The following WWC2 variants were observed in gnomAD, a reference collection of about 807,000 sequenced individuals.
WWC2 encodes the protein WW and C2 domain containing 2.
A neutral mutation model predicts 138.5 loss-of-function variants in WWC2; 101 were observed. That is an observed-to-expected ratio of 0.73 (90% CI 0.62 to 0.86). The LOEUF (loss-of-function observed/expected upper bound fraction) is 0.86. Ranked by LOEUF, WWC2 falls within the 40% of genes least tolerant of loss-of-function variation. The pLI is 0.00. For missense variants in WWC2, 1,420 were observed against 1,419.4 expected (o/e 1.00, Z -0.01); for synonymous variants, 558 against 538.4 (o/e 1.04, Z -0.50).
chr4:183,242,548 A>G (rs149411116), intron 5 of WWC2, among the ~76,000 whole-genome samples: 159 of 152,326 alleles, frequency 1.0e-3, no homozygotes, highest in African/African-American at 3.6e-3. Context: ...GATACCAGGA[A>G]GATGCCTGTT....
intron 11 of WWC2, 49 bp from the exon 12 acceptor site, chr4:183,264,929 T>A (rs768294171): frequency 6.4e-7 from 1 of 1,556,774 alleles, no homozygotes. Context: ...AATACTTAAC[T>A]TTTCCAAATA....
chr4:183,166,294 A>G (rs906647273), intron 1 of WWC2, among the ~76,000 whole-genome samples: 2 of 152,112 alleles, frequency 1.3e-5, no homozygotes, highest in African/African-American at 4.8e-5. Context: ...CGTGGCATTC[A>G]GGGATGAGAA....
intron 1 of WWC2, among the ~76,000 whole-genome samples, chr4:183,169,592 A>T (rs1734222244): frequency 6.6e-6 from 1 of 152,092 alleles, no homozygotes; most frequent in Admixed American, 6.6e-5. Flanking sequence ...CTTAATCATT[A>T]TGTTTTTTGG....
At chr4:183,171,902 C>T (rs80101598) in intron 1 of WWC2, among the ~76,000 whole-genome samples, 2,910 of 152,204 alleles carry the variant, frequency 0.019, 91 homozygotes, top group African/African-American at 0.067. Flanking sequence ...TGCCTCCCTC[C>T]CCTCATCCTC....
intron 5 of WWC2, among the ~76,000 whole-genome samples, chr4:183,243,782 T>C (rs1372444128): frequency 1.4e-5 from 2 of 138,746 alleles, no homozygotes; most frequent in Non-Finnish European, 1.6e-5. Flanking sequence ...TGTGTGTGTG[T>C]GTGTGTGTGC....
chr4:183,139,453 GCT>G (rs1733226799), intron 1 of WWC2, among the ~76,000 whole-genome samples: 1 of 152,196 alleles, frequency 6.6e-6, no homozygotes, highest in East Asian at 1.9e-4. Context: ...CCCACATTTG[GCT>G]CTTTCTTTTC....
In WWC2 at chr4:183,296,827, G is replaced by A. The variant is rs926178840; in HGVS notation, c.3384+7192G>A. ...CAGGTGCCTGTAGTCCCAGCTACTCGGGAGGCTGAGACAGGAGAATGGCGT... is the reference window on the plus strand; with the variant it reads ...CAGGTGCCTGTAGTCCCAGCTACTCAGGAGGCTGAGACAGGAGAATGGCGT... On this transcript the variant is annotated intron_variant, in intron 21 of 22. Coordinates refer to ENST00000403733, the MANE Select transcript of WWC2 (RefSeq NM_024949.6). Among the ~76,000 whole-genome samples the A allele has an allele frequency of 6.0e-5, 9 of 150,460 alleles. No homozygotes were observed. The East Asian group carries it at 8.0e-4, about 13-fold the overall frequency.
intron 1 of WWC2, among the ~76,000 whole-genome samples, chr4:183,100,099 G>T (rs1743123109): frequency 2.6e-5 from 4 of 152,336 alleles, no homozygotes; most frequent in Admixed American, 2.6e-4. Context: ...TGGCGGGGGC[G>T]CCCAGACTGG....
At chr4:183,116,345 C>T (rs1022161155) in intron 1 of WWC2, among the ~76,000 whole-genome samples, 9 of 152,206 alleles carry the variant, frequency 5.9e-5, no homozygotes, top group Non-Finnish European at 8.8e-5. Context: ...TTGTGTCTGT[C>T]TTGTTCACTA....
intron 1 of WWC2, among the ~76,000 whole-genome samples, chr4:183,154,329 A>G (rs942980724): frequency 6.6e-6 from 1 of 152,124 alleles, no homozygotes; most frequent in African/African-American, 2.4e-5. Context: ...CTTAAGTCAA[A>G]GGCTTATTAT....
intron 6 of WWC2, among the ~76,000 whole-genome samples, chr4:183,248,458 C>T (rs965487288): frequency 3.9e-5 from 6 of 151,946 alleles, no homozygotes; most frequent in Admixed American, 1.3e-4. Flanking sequence ...TTAAAGATAC[C>T]GTTCATAGGA....
intron 1 of WWC2, among the ~76,000 whole-genome samples, chr4:183,165,521 G>A (rs997778584): frequency 1.4e-4 from 22 of 152,150 alleles, no homozygotes; most frequent in African/African-American, 4.8e-4. Flanking sequence ...GAACACAGCA[G>A]GCCTTTTGAA....
intron 1 of WWC2, among the ~76,000 whole-genome samples, chr4:183,191,491 T>C (rs923965980): frequency 6.6e-6 from 1 of 152,166 alleles, no homozygotes; most frequent in African/African-American, 2.4e-5. Context: ...ATTAGGAAGC[T>C]AGGGCTTTTA....
chr4:183,277,129 C>A, intron 16 of WWC2, among the ~76,000 whole-genome samples: 1 of 120,336 alleles, frequency 8.3e-6, no homozygotes. Context: ...ATCCCTCCTC[C>A]CTCCCCCCTC....
intron 1 of WWC2, among the ~76,000 whole-genome samples, chr4:183,156,072 A>G (rs898765741): frequency 2.7e-5 from 4 of 150,708 alleles, no homozygotes; most frequent in African/African-American, 4.9e-5. Flanking sequence ...TGCCGCCCAG[A>G]TTGGAGTACA....
intron 4 of WWC2, among the ~76,000 whole-genome samples, chr4:183,237,804 C>T (rs544222630): frequency 2.0e-5 from 3 of 152,170 alleles, no homozygotes; most frequent in Non-Finnish European, 4.4e-5. Flanking sequence ...GTCTTTGTCA[C>T]GTTGTTCCTC....
At position 183,151,680 on chromosome 4, in the gene WWC2, A is replaced by G. The variant is rs1057362160; in HGVS notation, c.132-41919A>G. On this transcript the variant is annotated intron_variant, in intron 1 of 22. Coordinates refer to ENST00000403733, the MANE Select transcript of WWC2 (RefSeq NM_024949.6). ...GGGTTTTTATGGTTTTAGGTCTAACATTTAAGTCTTTAATCCATCTTGAAT... is the reference window on the plus strand; with the variant it reads ...GGGTTTTTATGGTTTTAGGTCTAACGTTTAAGTCTTTAATCCATCTTGAAT... 1.3e-5 allele frequency among the ~76,000 whole-genome samples: 2 copies of G among 152,214 alleles called. 1 individual carries two copies. The highest frequency in any genetic ancestry group is 2.9e-5 in the Non-Finnish European group (2 of 68,034).
chr4:183,221,540 C>T (rs570901802), intron 4 of WWC2, among the ~76,000 whole-genome samples: 80 of 152,230 alleles, frequency 5.3e-4, no homozygotes, highest in African/African-American at 1.8e-3. Context: ...TAAGGGGACT[C>T]AAATGCATAG....
intron 12 of WWC2, 79 bp downstream of exon 12, chr4:183,265,186 T>G (rs1325586570): frequency 1.4e-5 from 21 of 1,490,410 alleles, no homozygotes; most frequent in Non-Finnish European, 1.8e-5. Context: ...GTAAATGGAC[T>G]GCTACCATTA....
Sources: allele counts gnomAD v4.1 joint callset (sites outside exome capture counted in the v4.1 genomes callset), GRCh38; gene constraint gnomAD v4.1.1; transcripts MANE v1.5; gene names NCBI Gene and HGNC (gene_info 2026-07-23, HGNC 2026-07-21).